CNTN2: variants seen among roughly 807,000 people sequenced by gnomAD.
The protein encoded by CNTN2 is contactin 2.
Under a neutral mutation model 117.5 loss-of-function variants are expected in CNTN2, and 53 were observed. The ratio of observed to expected loss-of-function variants is 0.45; its 90% confidence interval spans 0.36 to 0.57. The LOEUF (loss-of-function observed/expected upper bound fraction) is 0.57, where lower values mean the gene tolerates loss of function less well. Ranked by LOEUF, CNTN2 falls within the 20% of genes least tolerant of loss-of-function variation. The pLI is 0.00. For missense variants in CNTN2, 1,106 were observed against 1,404.3 expected (o/e 0.79, Z 3.39); for synonymous variants, 530 against 561.7 (o/e 0.94, Z 0.80).
In CNTN2 at chr1:205,048,554, C is replaced by T. The variant is rs751267720; in HGVS notation, c.-86-4546C>T. ...CCTGCACCAGGGCAGCTGGCCTGGG[C>T]GAGGCTTGGCTGGCTCAGGGTTCGC... On this transcript the variant is annotated intron_variant, in intron 1 of 22. Transcript: ENST00000331830. The surrounding 1 kb of genome is among the most constrained non-coding windows in gnomAD (Gnocchi z 4.1). Among the ~76,000 whole-genome samples the T allele has an allele frequency of 8.5e-5, 13 of 152,278 alleles. No homozygotes were observed. The highest frequency in any genetic ancestry group is 4.6e-4 in the Admixed American group (7 of 15,302).
At position 205,069,999 on chromosome 1, in the gene CNTN2, G is replaced by C; in HGVS notation, c.2369G>C (p.Ser790Thr). Reference protein sequence around the residue: ...PYTPFEVKIRSYNRRGDGPES... With the variant: ...PYTPFEVKIRTYNRRGDGPES... ...ACGCCCTTTGAGGTCAAGATCCGCA[G>C]CTACAACCGCCGCGGGGATGGGCCC... is the stretch of plus-strand genomic sequence containing the variant. Residue 790 changes from serine to threonine, a missense_variant, in exon 18 of 23, where the codon AGC (serine) becomes ACC (threonine). Transcript: ENST00000331830. 6.2e-7 allele frequency: 1 copy of C among 1,613,496 alleles called. No homozygotes were observed.
chr1:205,062,875 A>G (rs1654066679), intron 10 of CNTN2: 1 of 186,446 alleles, frequency 5.4e-6, no homozygotes, highest in Non-Finnish European at 1.1e-5. Context: ...CCTTTCAGCT[A>G]TGTGAGCTTT....
Position 205,075,105 on chromosome 1 carries a change from T to C in CNTN2, c.*1340T>C. On this transcript the variant is annotated 3_prime_UTR_variant, in exon 23 of 23. Transcript: ENST00000331830. ...CCAAGGTCACACAGCCCAGAAGAGA[T>C]GGGGCTGGGTTAAGAACTCGAGTCT... 5.1e-6 allele frequency: 2 copies of C among 393,208 alleles called. No homozygotes were observed. The highest frequency in any genetic ancestry group is 9.0e-6 in the Non-Finnish European group (2 of 223,170). The allele number at this position is 393,208 out of a possible 1,614,324, so 24.4% of individuals were successfully genotyped here.
rs1421468141 is a variant in CNTN2 at position 205,076,683 on chromosome 1, C to G, written c.*2918C>G. The G allele has an allele frequency of 2.0e-5, 3 of 152,244 alleles. No homozygotes were observed. The highest frequency in any genetic ancestry group is 4.4e-5 in the Non-Finnish European group (3 of 68,078). The allele number at this position is 152,244 out of a possible 1,614,324, so 9.4% of individuals were successfully genotyped here. ...CCTAGGGAGACAAGTGTCCTCTCTT[C>G]TGCATACATTTGGGCTCCCCTTACA... On this transcript the variant is annotated 3_prime_UTR_variant, in exon 23 of 23. Transcript: ENST00000331830.
chr1:205,061,459 C>T lies in CNTN2; in HGVS notation c.973+39C>T, dbSNP rs41310859. The T allele has an allele frequency of 0.034, 52,199 of 1,524,876 alleles. 1,640 individuals are homozygous for T. The highest frequency in any genetic ancestry group is 0.12 in the South Asian group (9,671 of 81,090). 94.5% of individuals were successfully genotyped at this position (1,524,876 alleles called of 1,614,324 possible). A position where few individuals can be genotyped will look rare whatever the true frequency, so the allele number is the denominator to read the frequency against. On this transcript the variant is annotated intron_variant, in intron 8 of 22. Transcript: ENST00000331830. This position sits in a 1 kb window ranked among gnomAD's most constrained non-coding sequence, Gnocchi z 4.8. The stretch of plus-strand genomic sequence containing the variant: ...GACACCTTCTCCGCCCCTCCCGACC[C>T]CCCTTCCCGCCTTCACCCTTGTCCC...
intron 1 of CNTN2, among the ~76,000 whole-genome samples, chr1:205,049,033 C>T (rs2096447319): frequency 1.3e-5 from 2 of 151,636 alleles, no homozygotes; most frequent in African/African-American, 2.4e-5. Context: ...GGTGCTCCCC[C>T]AGGGCAACCC....
Position 205,064,721 on chromosome 1 carries a change from C to A in CNTN2, c.1490C>A (p.Ala497Asp), listed in dbSNP as rs1243892786. ...TCFAENFMGK[A>D]NSTGILSVRD... ...TTTGCTGAGAACTTCATGGGCAAAGCCAACAGCACTGGAATCCTATCTGTG... is the reference window on the plus strand; with the variant it reads ...TTTGCTGAGAACTTCATGGGCAAAGACAACAGCACTGGAATCCTATCTGTG... The change falls in exon 12 of 23, where the codon GCC becomes GAC. Residue 497 changes from alanine to aspartate, a missense_variant. Coordinates refer to ENST00000331830, the MANE Select transcript of CNTN2 (RefSeq NM_005076.5). 2 of 1,614,134 alleles carry A rather than the reference C, an allele frequency of 1.2e-6. No individual in the cohort carries two copies. Among genetic ancestry groups the A allele is most frequent in the South Asian group, 2.2e-5 (2 of 91,084 alleles).
At position 205,048,461 on chromosome 1, in the gene CNTN2, G is replaced by T. The variant is rs548040718; in HGVS notation, c.-86-4639G>T. Among the ~76,000 whole-genome samples the T allele has an allele frequency of 3.3e-3, 509 of 152,110 alleles. 2 individuals carry two copies. Among genetic ancestry groups the T allele is most frequent in the South Asian group, 7.5e-3 (36 of 4,808 alleles). ...CCAGTGGTCCACTCCCCCATGTGCT[G>T]GTGCCTTGCAGGACCAGCCCCTGCT... On this transcript the variant is annotated intron_variant, in intron 1 of 22. Coordinates refer to ENST00000331830, the MANE Select transcript of CNTN2 (RefSeq NM_005076.5). The surrounding 1 kb of genome is among the most constrained non-coding windows in gnomAD (Gnocchi z 4.1).
At chr1:205,054,315 T>A (rs2096457618) in intron 2 of CNTN2, among the ~76,000 whole-genome samples, 1 of 152,216 alleles carries the variant, frequency 6.6e-6, no homozygotes, top group Non-Finnish European at 1.5e-5. Flanking sequence ...CTTTCAGACG[T>A]TCTCATTCTG....
Position 205,061,736 on chromosome 1 carries a change from C to T in CNTN2, c.974-129C>T, listed in dbSNP as rs1009401266. ...TCCGGCCCCCTCCTCTTTGTCCTCT[C>T]CATCTCAGAATGCTCATGGCGCCCT... On this transcript the variant is annotated intron_variant, in intron 8 of 22. Coordinates refer to ENST00000331830, the MANE Select transcript of CNTN2 (RefSeq NM_005076.5). The surrounding 1 kb of genome is among the most constrained non-coding windows in gnomAD (Gnocchi z 4.8). 15 of 1,230,400 alleles carry T rather than the reference C, an allele frequency of 1.2e-5. No homozygotes were observed. The highest frequency in any genetic ancestry group is 1.7e-5 in the Non-Finnish European group (15 of 891,598). 76.2% of individuals were successfully genotyped at this position (1,230,400 alleles called of 1,614,324 possible). A position where few individuals can be genotyped will look rare whatever the true frequency, so the allele number is the denominator to read the frequency against.
chr1:205,062,347 C>T, intron 9 of CNTN2, 93 bp from the exon 10 acceptor site: 1 of 1,474,640 alleles, frequency 6.8e-7, no homozygotes, highest in Non-Finnish European at 9.1e-7. Context: ...GGATTATCAG[C>T]CTAGAGTCTC....
Position 205,058,116 on chromosome 1 carries a change from T to C in CNTN2, c.215+51T>C, listed in dbSNP as rs1574641211. ...GAGGCCCTGGGCAGCCGTTGAACTT[T>C]CCCTCTCATCAGCCCTGCCACCAGG... On this transcript the variant is annotated intron_variant, in intron 3 of 22. Coordinates refer to ENST00000331830, the MANE Select transcript of CNTN2 (RefSeq NM_005076.5). The surrounding 1 kb of genome is among the most constrained non-coding windows in gnomAD (Gnocchi z 4.3). 4 of 1,603,390 alleles carry C rather than the reference T, an allele frequency of 2.5e-6. No homozygotes were observed. In the South Asian group the frequency reaches 3.3e-5, roughly 13 times the overall value.
Position 205,073,003 on chromosome 1 carries a change from C to G in CNTN2, c.2845-65C>G. On this transcript the variant is annotated intron_variant, in intron 21 of 22. Coordinates refer to ENST00000331830, the MANE Select transcript of CNTN2 (RefSeq NM_005076.5). The surrounding 1 kb of genome is among the most constrained non-coding windows in gnomAD (Gnocchi z 6.3). ...TCGGGTCTCCTCCCAGTACCTAAAG[C>G]TGGGGATGACTCAACGATCAGCCCT... 1 of 1,567,542 alleles carries G rather than the reference C, an allele frequency of 6.4e-7. No individual in the cohort carries two copies. Among genetic ancestry groups the G allele is most frequent in the Non-Finnish European group, 8.7e-7 (1 of 1,148,180 alleles).
chr1:205,059,296 C>T lies in CNTN2; in HGVS notation c.697+3C>T. On this transcript the variant is annotated splice_donor_region_variant and intron_variant, in intron 6 of 22. Coordinates refer to ENST00000331830, the MANE Select transcript of CNTN2 (RefSeq NM_005076.5). The surrounding 1 kb of genome is among the most constrained non-coding windows in gnomAD (Gnocchi z 5.6). ...TCAGCTCAACCTGGCTGCTGAAGGT[C>T]AGGCTTGGCCAGGCGTGGCTGGAGG... is the stretch of plus-strand genomic sequence containing the variant. The T allele has an allele frequency of 6.2e-7, 1 of 1,612,246 alleles. No individual in the cohort carries two copies. The highest frequency in any genetic ancestry group is 8.5e-7 in the Non-Finnish European group (1 of 1,179,170).
In CNTN2 at chr1:205,053,082, T is replaced by C. The variant is rs1227094208; in HGVS notation, c.-86-18T>C. On this transcript the variant is annotated intron_variant, in intron 1 of 22. Coordinates refer to ENST00000331830, the MANE Select transcript of CNTN2 (RefSeq NM_005076.5). ...GCGCTCCTCGGCTCAGAGCCCTCCT[T>C]TCTGTCTGCCTCCCCAGGTCCTTTC... is the stretch of plus-strand genomic sequence containing the variant. 2 of 816,068 alleles carry C rather than the reference T, an allele frequency of 2.5e-6. No homozygotes were observed. The highest frequency in any genetic ancestry group is 3.8e-6 in the Non-Finnish European group (2 of 527,876). 50.6% of individuals were successfully genotyped at this position (816,068 alleles called of 1,614,324 possible). A position where few individuals can be genotyped will look rare whatever the true frequency, so the allele number is the denominator to read the frequency against.
Position 205,058,745 on chromosome 1 carries a change from G to A in CNTN2, c.487+82G>A, listed in dbSNP as rs1653802587. Reference sequence around the variant, plus strand: ...TTGGCAGAGGAAGGATGGAATAAAAGGAGACCCCTGGAAATGACCCTTAGA... The same window carrying A: ...TTGGCAGAGGAAGGATGGAATAAAAAGAGACCCCTGGAAATGACCCTTAGA... On this transcript the variant is annotated intron_variant, in intron 5 of 22. Coordinates refer to ENST00000331830, the MANE Select transcript of CNTN2 (RefSeq NM_005076.5). The surrounding 1 kb of genome is among the most constrained non-coding windows in gnomAD (Gnocchi z 4.3). The A allele has an allele frequency of 3.7e-6, 4 of 1,088,348 alleles. No individual in the cohort carries two copies. The highest frequency in any genetic ancestry group is 2.6e-5 in the East Asian group (1 of 38,710). The allele number at this position is 1,088,348 out of a possible 1,614,324, so 67.4% of individuals were successfully genotyped here.
chr1:205,055,117 G>A (rs1283494801), intron 2 of CNTN2, among the ~76,000 whole-genome samples: 9 of 152,164 alleles, frequency 5.9e-5, no homozygotes, highest in Middle Eastern at 3.4e-3. Context: ...GGGTTCAAGC[G>A]ATTCTCCTGC....
intron 1 of CNTN2, among the ~76,000 whole-genome samples, chr1:205,045,162 C>T (rs2096439320): frequency 6.6e-6 from 1 of 152,128 alleles, no homozygotes; most frequent in Non-Finnish European, 1.5e-5. Flanking sequence ...AGATGAGTGC[C>T]TCAGACTCCA....
At position 205,073,721 on chromosome 1, in the gene CNTN2, C is replaced by G; in HGVS notation, c.3079C>G (p.His1027Asp). The G allele has an allele frequency of 6.2e-6, 10 of 1,614,062 alleles. No homozygotes were observed. The highest frequency in any genetic ancestry group is 8.5e-6 in the Non-Finnish European group (10 of 1,180,024). Reference protein sequence around the residue: ...PAPHPGTVISHSVAMLILIGS... With the variant: ...PAPHPGTVISDSVAMLILIGS... The stretch of plus-strand genomic sequence containing the variant: ...ACCACACCCTGGCACCGTCATTTCC[C>G]ACTCCGTGGCGATGCTGATCCTCAT... The change falls in exon 23 of 23, where the codon CAC (histidine) becomes GAC (aspartate). Residue 1027 changes from histidine to aspartate, a missense_variant. Physicochemically the swap from His to Asp is moderately conservative, Grantham distance 81. Coordinates refer to ENST00000331830, the MANE Select transcript of CNTN2 (RefSeq NM_005076.5). The surrounding 1 kb of genome is among the most constrained non-coding windows in gnomAD (Gnocchi z 6.3).
Sources: gnomAD v4.1 joint callset for allele counts (sites outside exome capture counted in the v4.1 genomes callset) on GRCh38, gnomAD v4.1.1 for gene constraint, Gnocchi (gnomAD v3.1) non-coding constraint, MANE v1.5 for transcripts, NCBI Gene and HGNC (gene_info 2026-07-23, HGNC 2026-07-21) for gene names.